LMAN1L: variants seen among roughly 807,000 people sequenced by gnomAD.
LMAN1L encodes protein ERGIC-53-like.
LMAN1L carries 60 observed loss-of-function variants against 58.3 expected under a neutral mutation model. The observed-to-expected ratio is 1.03, with a 90% confidence interval of 0.84 to 1.27. The LOEUF (loss-of-function observed/expected upper bound fraction) is 1.27. LMAN1L is among the 50% of genes most tolerant of loss of function. The pLI, the probability that LMAN1L is intolerant of heterozygous loss-of-function variation, is 0.00. For synonymous variants in LMAN1L, 280 were observed against 271.6 expected (o/e 1.03, Z -0.31); for missense variants, 629 against 674.0 (o/e 0.93, Z 0.74).
intron 8 of LMAN1L, 43 bp downstream of exon 8, chr15:74,820,810 C>A: frequency 6.3e-7 from 1 of 1,583,678 alleles, no homozygotes; most frequent in South Asian, 1.2e-5. Flanking sequence ...ATCTGAGTGT[C>A]ACAGCATCCT....
Position 74,818,757 on chromosome 15 carries a change from C to A in LMAN1L, c.537C>A (p.Asp179Glu). ...AAGGGCTGGGCTCCTGTCATTGGGA[C>A]TTCCGGAACCGGCCACACCCCTTCA... ...ASQGLGSCHW[D>E]FRNRPHPFRA... is the part of the protein sequence containing the mutation. Residue 179 changes from aspartate to glutamate, a missense_variant, in exon 5 of 14, where the codon GAC becomes GAA. Asp to Glu is a conservative substitution (Grantham distance 45, BLOSUM62 2). Coordinates refer to ENST00000309664, the MANE Select transcript of LMAN1L (RefSeq NM_021819.3). 1 of 1,611,828 alleles carries A rather than the reference C, an allele frequency of 6.2e-7. No individual in the cohort carries two copies. The highest frequency in any genetic ancestry group is 8.5e-7 in the Non-Finnish European group (1 of 1,179,252).
chr15:74,822,739 A>C (rs564225118), intron 11 of LMAN1L, 30 bp downstream of exon 11: 1 of 1,532,624 alleles, frequency 6.5e-7, no homozygotes, highest in South Asian at 1.1e-5. Flanking sequence ...CCCCTCCACC[A>C]CCTTGTTTCT....
rs2063915256 is a variant in LMAN1L at position 74,821,221 on chromosome 15, G to A, written c.1054G>A (p.Gly352Ser). 6.5e-7 allele frequency: 1 copy of A among 1,549,230 alleles called. No homozygotes were observed. The highest frequency in any genetic ancestry group is 8.7e-7 in the Non-Finnish European group (1 of 1,146,998). The change falls in exon 9 of 14, where the codon GGC becomes AGC. Residue 352 changes from glycine to serine, a missense_variant. By Grantham distance (56) the Gly-to-Ser change is moderately conservative (BLOSUM62 0). Coordinates refer to ENST00000309664, the MANE Select transcript of LMAN1L (RefSeq NM_021819.3). Reference sequence around the variant, plus strand: ...CCCAGGCCAAGCCAGGCCTGACGGAGGCTGGGTGAGAAGCCCTACAGGCAT... The same window carrying A: ...CCCAGGCCAAGCCAGGCCTGACGGAAGCTGGGTGAGAAGCCCTACAGGCAT... ...GPPGQARPDG[G>S]WALDASCQIP... is the part of the protein sequence containing the mutation.
intron 1 of LMAN1L, among the ~76,000 whole-genome samples, chr15:74,815,410 G>C (rs1193965741): frequency 6.6e-6 from 1 of 152,212 alleles, no homozygotes; most frequent in East Asian, 1.9e-4. Flanking sequence ...CCTGCCCCCA[G>C]TTCCTGCCAA....
rs941480365 is a variant in LMAN1L at position 74,815,705 on chromosome 15, T to G, written c.176-452T>G. Among the ~76,000 whole-genome samples, 13 of 152,338 alleles carry G rather than the reference T, an allele frequency of 8.5e-5. No homozygotes were observed. The East Asian group carries it at 1.9e-3, about 23-fold the overall frequency. ...CCTCCTAAAGTGCTCTCCTGTGTTCTGTGGTCTCAGGCACTTCCTTTTTTG... is the reference window on the plus strand; with the variant it reads ...CCTCCTAAAGTGCTCTCCTGTGTTCGGTGGTCTCAGGCACTTCCTTTTTTG... On this transcript the variant is annotated intron_variant, in intron 1 of 13. Transcript: ENST00000309664.
intron 4 of LMAN1L, 126 bp from the exon 5 acceptor site, chr15:74,818,592 G>A (rs1468268431): frequency 7.1e-6 from 5 of 705,698 alleles, no homozygotes; most frequent in African/African-American, 1.8e-5. Context: ...TACTTGGGAG[G>A]CTGAGGTGGG....
At chr15:74,813,457 G>T in intron 1 of LMAN1L, 1 of 457,998 alleles carries the variant, frequency 2.2e-6, no homozygotes. Flanking sequence ...GGGGCTACCT[G>T]GAGGGAAGCA....
chr15:74,818,301 C>T (rs2063901305), intron 4 of LMAN1L, among the ~76,000 whole-genome samples: 1 of 152,172 alleles, frequency 6.6e-6, no homozygotes, highest in African/African-American at 2.4e-5. Context: ...CCAGCTCGCC[C>T]AGCGGAAAGG....
chr15:74,820,570 A>G, intron 7 of LMAN1L, 65 bp from the exon 8 acceptor site: 1 of 1,598,908 alleles, frequency 6.3e-7, no homozygotes, highest in Non-Finnish European at 8.6e-7. Context: ...AGCCTGTGGG[A>G]AGGCTCCCCT....
chr15:74,816,031 C>T lies in LMAN1L; in HGVS notation c.176-126C>T, dbSNP rs112267045. Reference sequence around the variant, plus strand: ...TGACTCCTGCTTCCCTGGCTGGCCGCTTATTTAATGGTAGGCCTTGGCATT... The same window carrying T: ...TGACTCCTGCTTCCCTGGCTGGCCGTTTATTTAATGGTAGGCCTTGGCATT... On this transcript the variant is annotated intron_variant, in intron 1 of 13. Coordinates refer to ENST00000309664, the MANE Select transcript of LMAN1L (RefSeq NM_021819.3). The T allele has an allele frequency of 7.3e-6, 9 of 1,230,092 alleles. No individual in the cohort carries two copies. In the African/African-American group the frequency reaches 1.4e-4, roughly 19 times the overall value. The allele number at this position is 1,230,092 out of a possible 1,614,324, so 76.2% of individuals were successfully genotyped here.
chr15:74,819,117 AC>A (rs768644368), intron 5 of LMAN1L, 34 bp from the exon 6 acceptor site: 17 of 1,568,556 alleles, frequency 1.1e-5, no homozygotes, highest in East Asian at 2.3e-5. Flanking sequence ...AGGTAGGGAC[AC>A]CCCCCCACTG....
At position 74,820,725 on chromosome 15, in the gene LMAN1L, G is replaced by T. The variant is rs759742679; in HGVS notation, c.865G>T (p.Glu289Ter). ...GGCAAGGCTGGGCTTGGGCACCAGG[G>T]AGGATGTAACTCCAAAATCAGACTC... ...LWARLGLGTR[E>*]DVTPKSDSEA... is the part of the protein sequence containing the mutation. The change falls in exon 8 of 14, where the codon GAG (glutamate) becomes TAG (stop). Residue 289 changes from glutamate (E) to a stop codon, truncating the protein, a stop_gained. Transcript: ENST00000309664. LOFTEE classifies it high-confidence loss of function. 6.2e-7 allele frequency: 1 copy of T among 1,613,684 alleles called. No individual in the cohort carries two copies. Among genetic ancestry groups the T allele is most frequent in the South Asian group, 1.1e-5 (1 of 91,072 alleles).
intron 8 of LMAN1L, 120 bp downstream of exon 8, chr15:74,820,887 C>A: frequency 1.4e-6 from 2 of 1,411,796 alleles, no homozygotes; most frequent in Non-Finnish European, 9.5e-7. Flanking sequence ...CACATCTAAG[C>A]AGGCCCTGGG....
Position 74,825,476 on chromosome 15 carries a change from GCAGGAGCTGAACAAGAGCCTT to G in LMAN1L, c.1459_1479del (p.Leu487_Glu493del), listed in dbSNP as rs2063937271. On this transcript the variant is annotated inframe_deletion and splice_region_variant, in exon 14 of 14. Coordinates refer to ENST00000309664, the MANE Select transcript of LMAN1L (RefSeq NM_021819.3). ...CCTGTAACCTTCTCTCTGGCAGCAG[GCAGGAGCTGAACAAGAGCCTT>G]CAGGAGTGTCTGTCCACAGGCAGCC... The G allele has an allele frequency of 6.2e-7, 1 of 1,609,680 alleles. No homozygotes were observed. The highest frequency in any genetic ancestry group is 2.2e-5 in the East Asian group (1 of 44,690).
rs776836558 is a variant in LMAN1L at position 74,816,513 on chromosome 15, C to T, written c.417C>T (p.Asp139=). The part of the protein sequence containing the change: ...ASWDGIGIFF[D]SPAEDTQDSP... ...GGGACGGCATCGGGATCTTCTTTGA[C>T]TCTCCGGCAGAGGATACTCAGGTGC... The change falls in exon 3 of 14, where the codon GAC becomes GAT. Residue 139 remains aspartate (D), a synonymous_variant. Transcript: ENST00000309664. 2.6e-6 allele frequency: 4 copies of T among 1,554,440 alleles called. No individual in the cohort carries two copies. The highest frequency in any genetic ancestry group is 2.7e-5 in the African/African-American group (2 of 73,602).
chr15:74,822,740 C>T (rs762809585), intron 11 of LMAN1L, 31 bp downstream of exon 11: 33 of 1,514,808 alleles, frequency 2.2e-5, no homozygotes, highest in African/African-American at 2.7e-5. Flanking sequence ...CCCTCCACCA[C>T]CTTGTTTCTC....
At chr15:74,813,445 TG>T (rs1468246788) in intron 1 of LMAN1L, 2 of 458,632 alleles carry the variant, frequency 4.4e-6, no homozygotes, top group South Asian at 3.1e-5. Flanking sequence ...CCATGAGAAC[TG>T]GGGGCTACCT....
chr15:74,819,783 C>G (rs1361331151), intron 6 of LMAN1L: 8 of 573,460 alleles, frequency 1.4e-5, no homozygotes, highest in Middle Eastern at 2.7e-4. Flanking sequence ...TGCCATGGCT[C>G]TAGCCCAGGA....
At chr15:74,817,857 A>T (rs919622608) in intron 4 of LMAN1L, among the ~76,000 whole-genome samples, 4 of 151,876 alleles carry the variant, frequency 2.6e-5, no homozygotes, top group East Asian at 1.9e-4. Flanking sequence ...ACTAAAAATT[A>T]AAAAAATTAG....
Sources: allele counts gnomAD v4.1 joint callset (sites outside exome capture counted in the v4.1 genomes callset), GRCh38; gene constraint gnomAD v4.1.1; transcripts MANE v1.5; gene names NCBI Gene and HGNC (gene_info 2026-07-23, HGNC 2026-07-21).